The following KAZN variants were observed in gnomAD, a reference collection of about 807,000 sequenced individuals.
The protein encoded by KAZN is kazrin, periplakin interacting protein, also known as kazrin.
A neutral mutation model predicts 87.4 loss-of-function variants in KAZN; 40 were observed. The ratio of observed to expected loss-of-function variants is 0.46; its 90% CI spans 0.36 to 0.60. The LOEUF is 0.60. Among genes scored for constraint, KAZN ranks in the 20% least tolerant of loss-of-function variants. The pLI is 0.00. For missense variants in KAZN, 898 were observed against 1,073.9 expected, an observed-to-expected ratio of 0.84 and a Z score of 2.29; for synonymous variants, 466 against 458.3, an observed-to-expected ratio of 1.02 and a Z score of -0.22.
intron 1 of KAZN, among the ~76,000 whole-genome samples, chr1:14,169,914 T>G (rs140197740): frequency 6.6e-6 from 1 of 152,242 alleles, no homozygotes; most frequent in East Asian, 1.9e-4. Flanking sequence ...GAGGCAGGGT[T>G]CAAACTCAGG....
chr1:14,313,522 C>A (rs1655449045), intron 2 of KAZN, among the ~76,000 whole-genome samples: 1 of 152,122 alleles, frequency 6.6e-6, no homozygotes, highest in African/African-American at 2.4e-5. Context: ...CACTTAAAGT[C>A]ATTAAACTAC....
intron 2 of KAZN, among the ~76,000 whole-genome samples, chr1:14,380,877 AT>A (rs1291407663): frequency 2.0e-5 from 3 of 152,260 alleles, no homozygotes; most frequent in African/African-American, 7.2e-5. Context: ...CAAGAAAGTT[AT>A]AGAATACCAA....
In KAZN at chr1:14,934,281, C is replaced by T. The variant is rs544542382; in HGVS notation, c.227-26403C>T. Among the ~76,000 whole-genome samples, 4 of 151,412 alleles carry T rather than the reference C, an allele frequency of 2.6e-5. No individual in the cohort carries two copies. The South Asian group carries it at 8.4e-4, about 32-fold the overall frequency. ...TGGAGTGCAGTGGTGCGTCTTGGCTCACTGCAACCTCCGCCTCCCAGGTTC... is the reference window on the plus strand; with the variant it reads ...TGGAGTGCAGTGGTGCGTCTTGGCTTACTGCAACCTCCGCCTCCCAGGTTC... On this transcript the variant is annotated intron_variant, in intron 1 of 14. Transcript: ENST00000376030.
At chr1:15,089,732 CAAAAAAAAA>C (rs56260619) in intron 8 of KAZN, among the ~76,000 whole-genome samples, 1,176 of 68,928 alleles carry the variant, frequency 0.017, 21 homozygotes, top group African/African-American at 0.05. Flanking sequence ...CTTTTATTGG[CAAAAAAAAA>C]AAAAAAAAAA....
chr1:14,208,395 C>T (rs1171128746), intron 2 of KAZN, among the ~76,000 whole-genome samples: 4 of 152,202 alleles, frequency 2.6e-5, no homozygotes, highest in African/African-American at 7.2e-5. Context: ...TATTAACTCT[C>T]ATTCATTGAC....
rs543833025 is a variant in KAZN, at chr1:14,419,923, A to C, written c.250-179060A>C. Among the ~76,000 whole-genome samples the C allele has an allele frequency of 3.9e-5, 6 of 152,246 alleles. No homozygotes were observed. In the South Asian group the frequency reaches 1.0e-3, roughly 26 times the overall value. ...AGCAACAATGGGATTTATTGCAAAG[A>C]GCGAAAGAACAAAACTTCCACAAGG... On this transcript the variant is annotated intron_variant, in intron 2 of 16. Transcript: ENST00000636203.
At chr1:14,354,688 A>AC (rs199816306) in intron 2 of KAZN, among the ~76,000 whole-genome samples, 53 of 150,268 alleles carry the variant, frequency 3.5e-4, no homozygotes, top group Middle Eastern at 3.4e-3. Flanking sequence ...ACACACACAC[A>AC]AACAAACCTG....
chr1:14,259,712 C>G (rs1650860688), intron 2 of KAZN, among the ~76,000 whole-genome samples: 1 of 152,180 alleles, frequency 6.6e-6, no homozygotes, highest in African/African-American at 2.4e-5. Context: ...TAGGAAATGG[C>G]AGAGGTAGGA....
At chr1:13,967,279 CATTA>C (rs1191196312) in intron 1 of KAZN, among the ~76,000 whole-genome samples, 1 of 152,132 alleles carries the variant, frequency 6.6e-6, no homozygotes, top group Non-Finnish European at 1.5e-5. Flanking sequence ...CTTAAGAGTG[CATTA>C]ATTAAGAAGG....
At chr1:14,251,133 G>A (rs1037848001) in intron 2 of KAZN, among the ~76,000 whole-genome samples, 1 of 152,154 alleles carries the variant, frequency 6.6e-6, no homozygotes, top group Non-Finnish European at 1.5e-5. Context: ...TAATTCTGGG[G>A]TCTTCCTCAT....
intron 2 of KAZN, among the ~76,000 whole-genome samples, chr1:15,010,386 CTTTTT>C (rs34697316): frequency 3.8e-5 from 3 of 78,218 alleles, no homozygotes; most frequent in African/African-American, 5.2e-5. Flanking sequence ...GGTTGTCTTG[CTTTTT>C]TTTTTTTTTT....
chr1:13,914,540 A>T (rs1033470744), intron 1 of KAZN, among the ~76,000 whole-genome samples: 1 of 152,198 alleles, frequency 6.6e-6, no homozygotes, highest in African/African-American at 2.4e-5. Flanking sequence ...GCCCTTATAT[A>T]GCGGTGATGT....
intron 1 of KAZN, among the ~76,000 whole-genome samples, chr1:14,670,078 G>A (rs983090838): frequency 1.3e-5 from 2 of 152,054 alleles, no homozygotes; most frequent in Non-Finnish European, 2.9e-5. Context: ...TATTTGGCCC[G>A]AGAGTCTTCT....
chr1:14,344,931 T>C (rs1402691230), intron 2 of KAZN, among the ~76,000 whole-genome samples: 4 of 151,796 alleles, frequency 2.6e-5, no homozygotes, highest in Admixed American at 2.0e-4. Flanking sequence ...TTTTTTTTTT[T>C]TCCTTGAGAT....
intron 2 of KAZN, among the ~76,000 whole-genome samples, chr1:14,403,573 CAAAG>C (rs1663595158): frequency 6.6e-6 from 1 of 151,860 alleles, no homozygotes; most frequent in South Asian, 2.1e-4. Context: ...AAGAAAAGGA[CAAAG>C]AACCAACAAC....
chr1:13,919,252 C>T (rs1014515740), intron 1 of KAZN, among the ~76,000 whole-genome samples: 1 of 152,234 alleles, frequency 6.6e-6, no homozygotes, highest in African/African-American at 2.4e-5. Flanking sequence ...GTCCTGACTT[C>T]TTCCAATATA....
intron 2 of KAZN, among the ~76,000 whole-genome samples, chr1:15,027,678 C>T (rs894744259): frequency 6.6e-6 from 1 of 152,074 alleles, no homozygotes; most frequent in East Asian, 1.9e-4. Context: ...GAAAGGGGGG[C>T]CCCCTGCTGG....
At chr1:14,188,652 A>G (rs1368067483) in intron 2 of KAZN, among the ~76,000 whole-genome samples, 1 of 152,184 alleles carries the variant, frequency 6.6e-6, no homozygotes, top group Non-Finnish European at 1.5e-5. Flanking sequence ...CCGGAAGAGC[A>G]GCCTCATAGA....
chr1:14,333,278 G>A (rs532552560), intron 2 of KAZN, among the ~76,000 whole-genome samples: 9 of 152,298 alleles, frequency 5.9e-5, no homozygotes, highest in African/African-American at 2.2e-4. Context: ...TCTCCATCCA[G>A]ACTATCATTG....
Sources: allele counts gnomAD v4.1 joint callset (sites outside exome capture counted in the v4.1 genomes callset), GRCh38; gene constraint gnomAD v4.1.1; transcripts MANE v1.5; gene names NCBI Gene and HGNC (gene_info 2026-07-23, HGNC 2026-07-21).